Variants in ADGRL2 observed in about 807,000 individuals in gnomAD.
The protein encoded by ADGRL2 is calcium-independent alpha-latrotoxin receptor 2.
In ADGRL2, 44 loss-of-function variants were observed where a neutral mutation model predicts 157.4. The ratio of observed to expected loss-of-function variants is 0.28; its 90% CI spans 0.22 to 0.36. The LOEUF is 0.36. ADGRL2 is among the 10% of genes least tolerant of loss of function. The pLI is 1.00. For missense variants in ADGRL2, 1,510 were observed against 1,768.9 expected, an observed-to-expected ratio of 0.85 and a Z score of 2.63; for synonymous variants, 585 against 624.7, an observed-to-expected ratio of 0.94 and a Z score of 0.95.
At chr1:81,812,015 A>G (rs2089922218) in intron 1 of ADGRL2, among the ~76,000 whole-genome samples, 1 of 151,722 alleles carries the variant, frequency 6.6e-6, no homozygotes, top group Non-Finnish European at 1.5e-5. Flanking sequence ...TCAAGTTGCC[A>G]TCTTAACCAG....
chr1:81,354,611 C>T (rs1409886441), intron 1 of ADGRL2, among the ~76,000 whole-genome samples: 1 of 152,172 alleles, frequency 6.6e-6, no homozygotes, highest in Admixed American at 6.5e-5. Flanking sequence ...ATCATAAAGC[C>T]TACCCTGACA....
chr1:81,319,399 T>A (rs907445495), intron 1 of ADGRL2, among the ~76,000 whole-genome samples: 1 of 152,150 alleles, frequency 6.6e-6, no homozygotes, highest in African/African-American at 2.4e-5. Context: ...TAATCTTAAA[T>A]ACAAACCGAG....
chr1:81,936,774 T>C lies in ADGRL2; in HGVS notation c.334T>C (p.Phe112Leu). 3.1e-6 allele frequency: 5 copies of C among 1,612,504 alleles called. No homozygotes were observed. The highest frequency in any genetic ancestry group is 4.2e-6 in the Non-Finnish European group (5 of 1,178,796). ...QCIVVTGSDVFPDPCPGTYKY... is the reference protein window; with the variant it reads ...QCIVVTGSDVLPDPCPGTYKY... The stretch of plus-strand genomic sequence containing the variant: ...TATAGTAGTTACTGGGTCAGATGTG[T>C]TTCCTGATCCATGTCCTGGAACATA... The change falls in exon 4 of 24, where the codon TTT (phenylalanine) becomes CTT (leucine). Residue 112 changes from phenylalanine to leucine, a missense_variant. Phe to Leu is a conservative substitution (Grantham distance 22). Coordinates refer to ENST00000686636, the MANE Select transcript of ADGRL2 (RefSeq NM_001366006.2).
chr1:81,394,090 A>T (rs952790218), intron 1 of ADGRL2, among the ~76,000 whole-genome samples: 2 of 151,898 alleles, frequency 1.3e-5, no homozygotes, highest in East Asian at 1.9e-4. Context: ...CCTGTTTTTA[A>T]AAAAAATGCA....
chr1:81,592,415 C>T (rs1026205371), intron 3 of ADGRL2, among the ~76,000 whole-genome samples: 3 of 152,154 alleles, frequency 2.0e-5, no homozygotes, highest in Non-Finnish European at 4.4e-5. Context: ...TTTGCTGACC[C>T]CTGATCTTAT....
intron 2 of ADGRL2, among the ~76,000 whole-genome samples, chr1:81,578,835 G>C (rs1407645724): frequency 6.6e-6 from 1 of 152,130 alleles, no homozygotes; most frequent in Non-Finnish European, 1.5e-5. Context: ...CATTTATGTA[G>C]TTCCCCCCGA....
chr1:81,654,264 C>T (rs1042749081), intron 3 of ADGRL2, among the ~76,000 whole-genome samples: 2 of 152,130 alleles, frequency 1.3e-5, no homozygotes, highest in African/African-American at 2.4e-5. Context: ...TTTCTTGATG[C>T]CTTTGTTTCC....
At chr1:81,366,880 C>A (rs2076075959) in intron 1 of ADGRL2, among the ~76,000 whole-genome samples, 2 of 152,312 alleles carry the variant, frequency 1.3e-5, no homozygotes, top group African/African-American at 2.4e-5. Context: ...TCTCCTGTCT[C>A]TTTAAGCATT....
chr1:81,618,837 G>T (rs3811470), intron 3 of ADGRL2, among the ~76,000 whole-genome samples: 60,791 of 151,710 alleles, frequency 0.4, 12,796 homozygotes, highest in African/African-American at 0.53. Context: ...ATATGCATCA[G>T]TAATCTGGAG....
intron 2 of ADGRL2, among the ~76,000 whole-genome samples, chr1:81,568,305 G>A (rs1262259062): frequency 1.3e-5 from 2 of 152,066 alleles, no homozygotes; most frequent in African/African-American, 2.4e-5. Context: ...GAACCTCAAG[G>A]AGGGTTACAG....
intron 1 of ADGRL2, among the ~76,000 whole-genome samples, chr1:81,341,288 T>C (rs916765870): frequency 6.6e-6 from 1 of 152,154 alleles, no homozygotes; most frequent in African/African-American, 2.4e-5. Context: ...GCCATGGAAC[T>C]ATTTTAGTTC....
chr1:81,883,864 C>T (rs564021271), intron 2 of ADGRL2, among the ~76,000 whole-genome samples: 1 of 152,190 alleles, frequency 6.6e-6, no homozygotes, highest in East Asian at 1.9e-4. Context: ...TTTTTGAGAT[C>T]AGAATTGTAG....
chr1:81,743,661 G>A (rs554693181), intron 1 of ADGRL2, among the ~76,000 whole-genome samples: 1 of 152,122 alleles, frequency 6.6e-6, no homozygotes, highest in East Asian at 1.9e-4. Flanking sequence ...TTAACCTACT[G>A]TGACTTATAA....
chr1:81,463,521 C>A (rs1226289530), intron 2 of ADGRL2, among the ~76,000 whole-genome samples: 1 of 152,136 alleles, frequency 6.6e-6, no homozygotes, highest in Non-Finnish European at 1.5e-5. Context: ...TCTTTGAAAA[C>A]CCAAGGCTGC....
chr1:81,542,934 G>C (rs2079920236), intron 2 of ADGRL2, among the ~76,000 whole-genome samples: 1 of 151,418 alleles, frequency 6.6e-6, no homozygotes. Context: ...CTTAACAGAT[G>C]TCTGCCAACA....
In ADGRL2 at chr1:81,984,572, A is replaced by T. The variant is rs374305611; in HGVS notation, c.3283-11A>T. 1.7e-4 allele frequency: 269 copies of T among 1,593,396 alleles called. 1 individual carries two copies. Among genetic ancestry groups the T allele is most frequent in the Non-Finnish European group, 2.3e-4 (264 of 1,165,272 alleles). On this transcript the variant is annotated splice_polypyrimidine_tract_variant and intron_variant, in intron 19 of 23. Transcript: ENST00000686636. ...ATATTAATCCCTTGGTCTTGTGATTATTCAATGCAGGTACGAAAAGAATAT... is the reference window on the plus strand; with the variant it reads ...ATATTAATCCCTTGGTCTTGTGATTTTTCAATGCAGGTACGAAAAGAATAT...
At chr1:81,315,644 CT>C (rs1490546440) in intron 1 of ADGRL2, among the ~76,000 whole-genome samples, 6 of 152,128 alleles carry the variant, frequency 3.9e-5, no homozygotes, top group Non-Finnish European at 8.8e-5. Context: ...CATTTCTTCT[CT>C]TACGTCACTA....
At chr1:81,479,318 CAA>C (rs752158155) in intron 2 of ADGRL2, among the ~76,000 whole-genome samples, 7 of 106,876 alleles carry the variant, frequency 6.5e-5, no homozygotes, top group Non-Finnish European at 8.1e-5. Context: ...ACTAAAAATA[CAA>C]AAAAAAAAAA....
chr1:81,514,020 T>C (rs1232128092), intron 2 of ADGRL2: 1 of 152,084 alleles, frequency 6.6e-6, no homozygotes, highest in Non-Finnish European at 1.5e-5. Flanking sequence ...TTACTGAGGG[T>C]TGGGAAGTAA....
Sources: allele counts gnomAD v4.1 joint callset (sites outside exome capture counted in the v4.1 genomes callset), GRCh38; gene constraint gnomAD v4.1.1; transcripts MANE v1.5; gene names NCBI Gene and HGNC (gene_info 2026-07-23, HGNC 2026-07-21).